Variants in DIP2C observed in about 807,000 individuals in gnomAD.
DIP2C encodes the protein DIP2 acetate--CoA ligase C (putative), also known as disco-interacting protein 2 homolog C.
DIP2C carries 33 observed loss-of-function variants against 192.4 expected under a neutral mutation model. The ratio of observed to expected loss-of-function variants is 0.17; its 90% CI spans 0.13 to 0.23. The LOEUF (loss-of-function observed/expected upper bound fraction) is 0.23, where lower values mean the gene tolerates loss of function less well. Among genes scored for constraint, DIP2C ranks in the 10% least tolerant of loss-of-function variants. The pLI, the probability that DIP2C is intolerant of heterozygous loss-of-function variation, is 1.00. For synonymous variants in DIP2C, 979 were observed against 864.1 expected (o/e 1.13, Z -2.33); for missense variants, 1,537 against 2,110.1 (o/e 0.73, Z 5.32).
chr10:467,008 T>C (rs1466737823), intron 3 of DIP2C, among the ~76,000 whole-genome samples: 2 of 150,620 alleles, frequency 1.3e-5, no homozygotes, highest in African/African-American at 4.9e-5. Flanking sequence ...AGAAATACCA[T>C]TTGACCCAGC....
At chr10:680,624 C>T (rs987303271) in intron 1 of DIP2C, among the ~76,000 whole-genome samples, 10 of 132,188 alleles carry the variant, frequency 7.6e-5, no homozygotes, top group South Asian at 5.0e-4. Flanking sequence ...GCTGATAATT[C>T]CTTGGAAAGA....
At chr10:560,231 TGGA>T (rs1254692561) in intron 1 of DIP2C, among the ~76,000 whole-genome samples, 1 of 151,820 alleles carries the variant, frequency 6.6e-6, no homozygotes, top group African/African-American at 2.4e-5. Flanking sequence ...CCCACAGGGG[TGGA>T]GAAGACACGC....
At position 680,295 on chromosome 10, in the gene DIP2C, G is replaced by A. The variant is rs113166249; in HGVS notation, c.85+9199C>T. On this transcript the variant is annotated intron_variant, in intron 1 of 36. Transcript: ENST00000280886. ...TCCCAGCATGCTAAAAATCCAACCC[G>A]CTCACACGCACGGCCTGACATGAGC... Among the ~76,000 whole-genome samples the A allele has an allele frequency of 2.2e-3, 339 of 152,274 alleles. 2 individuals carry two copies. The highest frequency in any genetic ancestry group is 7.5e-3 in the African/African-American group (313 of 41,550).
intron 13 of DIP2C, among the ~76,000 whole-genome samples, chr10:389,679 C>A (rs1274672368): frequency 1.3e-5 from 2 of 152,158 alleles, no homozygotes; most frequent in African/African-American, 4.8e-5. Flanking sequence ...GGGATGGGTT[C>A]CTAACTGCAC....
At chr10:302,899 G>A (rs377730489) in intron 32 of DIP2C, among the ~76,000 whole-genome samples, 3 of 152,220 alleles carry the variant, frequency 2.0e-5, no homozygotes, top group Admixed American at 6.5e-5. Flanking sequence ...ATCACTGCAC[G>A]TGGCTGTAGA....
In DIP2C at chr10:524,103, CAGGA is replaced by C. The variant is rs1421931702; in HGVS notation, c.86-37577_86-37574del. ...CCCAGCCGTGACTGGAGCACCCCTT[CAGGA>C]AGGAGTCCCTGGCTCCAGGCCCTAA... On this transcript the variant is annotated intron_variant, in intron 1 of 36. Transcript: ENST00000280886. Among the ~76,000 whole-genome samples the C allele has an allele frequency of 7.7e-4, 2 of 2,604 alleles. 1 individual carries two copies. The highest frequency in any genetic ancestry group is 0.056 in the South Asian group (2 of 36). 1.7% of individuals were successfully genotyped at this position (2,604 alleles called of 152,430 possible).
At chr10:412,720 G>A (rs543691823) in intron 8 of DIP2C, among the ~76,000 whole-genome samples, 6 of 152,148 alleles carry the variant, frequency 3.9e-5, no homozygotes, top group African/African-American at 1.2e-4. Context: ...GTTCAACATA[G>A]CATCTGGCTT....
At chr10:631,176 CTAAAA>C (rs1312110919) in intron 1 of DIP2C, 3 of 152,242 alleles carry the variant, frequency 2.0e-5, no homozygotes, top group Non-Finnish European at 2.9e-5. Flanking sequence ...CTAAAAAGAA[CTAAAA>C]TGAGTTCAAA....
chr10:419,234 T>C (rs542274756), intron 5 of DIP2C, 35 bp from the exon 6 acceptor site: 44 of 1,613,526 alleles, frequency 2.7e-5, no homozygotes, highest in Non-Finnish European at 3.6e-5. Flanking sequence ...TTTCTGGTGG[T>C]TGTGATGTTT....
intron 1 of DIP2C, among the ~76,000 whole-genome samples, chr10:526,563 A>G (rs916615108): frequency 6.6e-6 from 1 of 152,096 alleles, no homozygotes; most frequent in Non-Finnish European, 1.5e-5. Flanking sequence ...GGCATTTAAT[A>G]AAAAATTCTT....
intron 1 of DIP2C, among the ~76,000 whole-genome samples, chr10:491,151 T>C (rs1844416083): frequency 2.0e-5 from 3 of 152,156 alleles, no homozygotes; most frequent in Admixed American, 2.0e-4. Flanking sequence ...GAGCCAGTGC[T>C]GTGAACGTCA....
chr10:358,096 T>C (rs1959168778), intron 22 of DIP2C, among the ~76,000 whole-genome samples, 159 bp from the exon 23 acceptor site: 1 of 152,096 alleles, frequency 6.6e-6, no homozygotes, highest in South Asian at 2.1e-4. Flanking sequence ...ATCAAATGAT[T>C]GTGAAGGGGG....
chr10:336,626 A>G (rs1295151327), intron 29 of DIP2C, among the ~76,000 whole-genome samples: 1 of 152,262 alleles, frequency 6.6e-6, no homozygotes, highest in African/African-American at 2.4e-5. Context: ...GTTATTTTAC[A>G]GCATCCTCCT....
chr10:524,869 C>G (rs977520147), intron 1 of DIP2C, among the ~76,000 whole-genome samples: 2 of 151,004 alleles, frequency 1.3e-5, no homozygotes, highest in East Asian at 3.9e-4. Context: ...ATGATGTCCA[C>G]CTCTCTATAC....
At chr10:656,103 C>T (rs192770930) in intron 1 of DIP2C, among the ~76,000 whole-genome samples, 9 of 146,118 alleles carry the variant, frequency 6.2e-5, no homozygotes, top group Admixed American at 4.8e-4. Flanking sequence ...TCTATGCTAC[C>T]CTATAGAACA....
At chr10:508,095 C>T (rs1427699633) in intron 1 of DIP2C, among the ~76,000 whole-genome samples, 3 of 151,694 alleles carry the variant, frequency 2.0e-5, no homozygotes, top group Non-Finnish European at 4.4e-5. Context: ...CACCTCTGCT[C>T]AGCCACCTTC....
intron 1 of DIP2C, among the ~76,000 whole-genome samples, chr10:570,841 A>G (rs1439694654): frequency 6.6e-6 from 1 of 152,270 alleles, no homozygotes; most frequent in Non-Finnish European, 1.5e-5. Context: ...CAGAGCATGG[A>G]GCTCTGGTAA....
intron 4 of DIP2C, among the ~76,000 whole-genome samples, chr10:440,262 A>G (rs1043304033): frequency 1.3e-5 from 2 of 152,238 alleles, no homozygotes; most frequent in Non-Finnish European, 2.9e-5. Flanking sequence ...CTGTGCACCA[A>G]ATCTGGTCCG....
At chr10:551,069 A>C (rs1056206503) in intron 1 of DIP2C, among the ~76,000 whole-genome samples, 1 of 152,094 alleles carries the variant, frequency 6.6e-6, no homozygotes, top group South Asian at 2.1e-4. Flanking sequence ...ACCTGATGCA[A>C]ACCATGCACA....
Sources: allele counts gnomAD v4.1 joint callset (sites outside exome capture counted in the v4.1 genomes callset), GRCh38; gene constraint gnomAD v4.1.1; transcripts MANE v1.5; gene names NCBI Gene and HGNC (gene_info 2026-07-23, HGNC 2026-07-21).